Variants in RGL1 observed in about 807,000 individuals in gnomAD.
RGL1 encodes ral guanine nucleotide dissociation stimulator like 1, also known as ral guanine nucleotide dissociation stimulator-like 1.
RGL1 carries 24 observed loss-of-function variants against 95.2 expected under a neutral mutation model. The observed-to-expected ratio is 0.25, with a 90% confidence interval of 0.18 to 0.35. The LOEUF is 0.35. Among genes scored for constraint, RGL1 ranks in the 10% least tolerant of loss-of-function variants. The probability of loss-of-function intolerance (pLI) is 1.00; values close to 1 mark genes in which losing one functional copy is unlikely to be tolerated. For missense variants in RGL1, 715 were observed against 936.3 expected (o/e 0.76, Z 3.08); for synonymous variants, 329 against 344.9 (o/e 0.95, Z 0.51).
intron 2 of RGL1, among the ~76,000 whole-genome samples, chr1:183,753,768 G>C (rs1658169298): frequency 6.6e-6 from 1 of 152,172 alleles, no homozygotes; most frequent in African/African-American, 2.4e-5. Context: ...TATATAGCAA[G>C]ACATGTAGGA....
At chr1:183,773,455 C>T (rs189903421) in intron 2 of RGL1, among the ~76,000 whole-genome samples, 21 of 152,240 alleles carry the variant, frequency 1.4e-4, no homozygotes, top group East Asian at 3.9e-4. Flanking sequence ...GTTTGTGTTT[C>T]GCCCTGAGAT....
At chr1:183,671,838 G>T (rs1433137469) in intron 1 of RGL1, among the ~76,000 whole-genome samples, 2 of 152,036 alleles carry the variant, frequency 1.3e-5, no homozygotes, top group African/African-American at 4.8e-5. Flanking sequence ...TCCTCCAAGT[G>T]GTTGCTGTTG....
At chr1:183,825,347 G>A (rs1035426670) in intron 2 of RGL1, among the ~76,000 whole-genome samples, 4 of 152,160 alleles carry the variant, frequency 2.6e-5, no homozygotes, top group African/African-American at 9.7e-5. Context: ...AGTATTGCAG[G>A]CCAAGTGTGA....
chr1:183,779,172 C>A (rs1572401702), intron 2 of RGL1, among the ~76,000 whole-genome samples: 2 of 109,434 alleles, frequency 1.8e-5, no homozygotes, highest in African/African-American at 7.0e-5. Flanking sequence ...TCCTTCCTTC[C>A]TTCCTTCCTT....
At chr1:183,653,816 G>A (rs57403433) in intron 1 of RGL1, among the ~76,000 whole-genome samples, 10,466 of 152,184 alleles carry the variant, frequency 0.069, 629 homozygotes, top group African/African-American at 0.16. Context: ...TTCCAGGATC[G>A]GTTGTAGCCC....
intron 2 of RGL1, among the ~76,000 whole-genome samples, chr1:183,772,096 C>T (rs1159681320): frequency 6.6e-6 from 1 of 152,244 alleles, no homozygotes; most frequent in Non-Finnish European, 1.5e-5. Flanking sequence ...GCTCCCCCAT[C>T]GGTGGACAGC....
At chr1:183,796,149 G>C (rs189325170) in intron 2 of RGL1, among the ~76,000 whole-genome samples, 81 of 151,714 alleles carry the variant, frequency 5.3e-4, no homozygotes, top group African/African-American at 1.9e-3. Context: ...CAATGAGGAA[G>C]GTGTTTGTAT....
intron 1 of RGL1, among the ~76,000 whole-genome samples, chr1:183,662,110 A>C (rs1389498217): frequency 6.6e-6 from 1 of 151,302 alleles, no homozygotes; most frequent in East Asian, 1.9e-4. Context: ...TATCATACTT[A>C]ATGGGCAAAA....
At chr1:183,889,715 G>T (rs554027795) in intron 8 of RGL1, among the ~76,000 whole-genome samples, 84 of 152,212 alleles carry the variant, frequency 5.5e-4, no homozygotes, top group Middle Eastern at 3.4e-3. Context: ...GTGATTCTTT[G>T]ATGGGTAAAA....
chr1:183,831,098 A>G (rs1663229034), intron 2 of RGL1, among the ~76,000 whole-genome samples: 1 of 152,248 alleles, frequency 6.6e-6, no homozygotes, highest in African/African-American at 2.4e-5. Context: ...TAAAGAAGTC[A>G]GTACTATCAA....
chr1:183,864,947 A>G (rs1465340105), intron 3 of RGL1, among the ~76,000 whole-genome samples: 2 of 152,250 alleles, frequency 1.3e-5, no homozygotes, highest in Admixed American at 6.5e-5. Flanking sequence ...CTTTAATCCC[A>G]TTAGTAGAAA....
intron 2 of RGL1, among the ~76,000 whole-genome samples, chr1:183,811,756 A>G (rs1341580596): frequency 3.9e-5 from 6 of 152,204 alleles, no homozygotes; most frequent in Non-Finnish European, 8.8e-5. Context: ...ATTTCAATTC[A>G]CCAATCCAGG....
At chr1:183,800,952 G>A (rs2102401635), upstream of RGL1, among the ~76,000 whole-genome samples, 1 of 152,316 alleles carries the variant, frequency 6.6e-6, no homozygotes, top group African/African-American at 2.4e-5. Context: ...ACATGGAAGT[G>A]CAAGTATCGC....
chr1:183,707,685 C>G (rs1214427720), intron 1 of RGL1, among the ~76,000 whole-genome samples: 1 of 151,778 alleles, frequency 6.6e-6, no homozygotes, highest in Admixed American at 6.5e-5. Flanking sequence ...ACAGGCAATT[C>G]TAGAATTGTC....
chr1:183,659,034 A>C (rs1651410405), intron 1 of RGL1, among the ~76,000 whole-genome samples: 1 of 152,018 alleles, frequency 6.6e-6, no homozygotes, highest in Non-Finnish European at 1.5e-5. Context: ...CAGAAAGGAC[A>C]TCCACACCAA....
At chr1:183,675,042 A>G (rs1405394467) in intron 1 of RGL1, among the ~76,000 whole-genome samples, 1 of 152,316 alleles carries the variant, frequency 6.6e-6, no homozygotes, top group South Asian at 2.1e-4. Context: ...TTATGAGCCA[A>G]TCTCAGCTCT....
intron 14 of RGL1, among the ~76,000 whole-genome samples, chr1:183,908,021 C>T (rs1668436540): frequency 6.6e-6 from 1 of 151,806 alleles, no homozygotes; most frequent in Non-Finnish European, 1.5e-5. Flanking sequence ...AACAAAACAA[C>T]AACAACAAAT....
At chr1:183,852,361 TC>T (rs1404715464) in intron 3 of RGL1, among the ~76,000 whole-genome samples, 34 of 152,188 alleles carry the variant, frequency 2.2e-4, no homozygotes, top group African/African-American at 8.0e-4. Flanking sequence ...CTTGGGGTGA[TC>T]ATTTCCCAAG....
chr1:183,679,910 A>G (rs911857345), intron 1 of RGL1, among the ~76,000 whole-genome samples: 1 of 152,156 alleles, frequency 6.6e-6, no homozygotes, highest in African/African-American at 2.4e-5. Flanking sequence ...TTGCCATTCT[A>G]ACTGGTGTGA....
Sources: allele counts gnomAD v4.1 joint callset (sites outside exome capture counted in the v4.1 genomes callset), GRCh38; gene constraint gnomAD v4.1.1; transcripts MANE v1.5; gene names NCBI Gene and HGNC (gene_info 2026-07-23, HGNC 2026-07-21).